The following PTPRN2 variants were observed in gnomAD, a reference collection of about 807,000 sequenced individuals.
PTPRN2 encodes protein tyrosine phosphatase receptor type N2, also known as receptor-type tyrosine-protein phosphatase N2.
PTPRN2 carries 74 observed loss-of-function variants against 118.8 expected under a neutral mutation model. The ratio of observed to expected loss-of-function variants is 0.62; its 90% CI spans 0.52 to 0.76. The LOEUF (loss-of-function observed/expected upper bound fraction) is 0.76, where lower values mean the gene tolerates loss of function less well. PTPRN2 is among the 30% of genes least tolerant of loss of function. The probability of loss-of-function intolerance (pLI) is 0.00; values close to 1 mark genes in which losing one functional copy is unlikely to be tolerated. For missense variants in PTPRN2, 1,481 were observed against 1,394.4 expected (o/e 1.06, Z -0.99); for synonymous variants, 641 against 608.0 (o/e 1.05, Z -0.80).
At chr7:158,173,691 T>C (rs1301738745) in intron 5 of PTPRN2, among the ~76,000 whole-genome samples, 1 of 152,212 alleles carries the variant, frequency 6.6e-6, no homozygotes, top group Non-Finnish European at 1.5e-5. Context: ...ATTTCATCTC[T>C]TATCTTCAAC....
rs563414107 is a variant in PTPRN2 at position 158,129,374 on chromosome 7, AAAC to A, written c.1556+4300_1556+4302del. ...ACACACCACACAGCACACCACACACAAACAACACACACCACACACTACACACAA... is the reference window on the plus strand; with the variant it reads ...ACACACCACACAGCACACCACACACAAACACACACCACACACTACACACAA... On this transcript the variant is annotated intron_variant, in intron 9 of 22. Transcript: ENST00000389418. Among the ~76,000 whole-genome samples, 893 of 150,244 alleles carry A rather than the reference AAAC, an allele frequency of 5.9e-3. 7 individuals carry two copies. The highest frequency in any genetic ancestry group is 0.021 in the African/African-American group (854 of 40,566).
chr7:157,896,572 T>C (rs1423107355), intron 12 of PTPRN2, among the ~76,000 whole-genome samples: 64 of 136,002 alleles, frequency 4.7e-4, no homozygotes, highest in African/African-American at 1.7e-3. Flanking sequence ...TGCTCACGTG[T>C]GCGTGGGAAG....
chr7:158,451,047 G>A (rs1329900852), intron 2 of PTPRN2, among the ~76,000 whole-genome samples: 1 of 152,216 alleles, frequency 6.6e-6, no homozygotes, highest in Non-Finnish European at 1.5e-5. Context: ...CCGTCTAGTA[G>A]GGGAGCTGCT....
intron 11 of PTPRN2, among the ~76,000 whole-genome samples, chr7:157,997,050 G>A (rs1045876313): frequency 3.9e-5 from 6 of 152,218 alleles, no homozygotes; most frequent in Admixed American, 2.6e-4. Context: ...CAATGAGGCC[G>A]GCACGGGGGC....
At chr7:158,322,158 C>T (rs1432673837) in intron 2 of PTPRN2, among the ~76,000 whole-genome samples, 1 of 152,128 alleles carries the variant, frequency 6.6e-6, no homozygotes, top group Admixed American at 6.5e-5. Context: ...TGCCTCCGCC[C>T]CACACCCTCG....
At chr7:158,311,891 G>T (rs967063451) in intron 3 of PTPRN2, among the ~76,000 whole-genome samples, 2 of 135,116 alleles carry the variant, frequency 1.5e-5, no homozygotes, top group African/African-American at 5.9e-5. Flanking sequence ...ACCTGCACGT[G>T]TAGACACCCA....
At chr7:158,538,695 C>T (rs933265406) in intron 1 of PTPRN2, among the ~76,000 whole-genome samples, 14 of 152,168 alleles carry the variant, frequency 9.2e-5, no homozygotes, top group African/African-American at 9.7e-5. Context: ...CACTGCACTA[C>T]GGACACCCCA....
intron 3 of PTPRN2, among the ~76,000 whole-genome samples, chr7:158,284,393 G>A (rs1799636151): frequency 1.3e-5 from 2 of 152,182 alleles, no homozygotes; most frequent in African/African-American, 4.8e-5. Flanking sequence ...GTACATGAAT[G>A]CACTTGGCCC....
At chr7:158,134,922 A>T (rs913830954) in intron 8 of PTPRN2, among the ~76,000 whole-genome samples, 1 of 152,212 alleles carries the variant, frequency 6.6e-6, no homozygotes, top group Admixed American at 6.5e-5. Flanking sequence ...AGTCGTGATT[A>T]TCAGATCCAG....
chr7:158,542,884 A>G (rs1826070293), intron 1 of PTPRN2, among the ~76,000 whole-genome samples: 1 of 152,188 alleles, frequency 6.6e-6, no homozygotes, highest in Admixed American at 6.5e-5. Context: ...ACTGGACATC[A>G]AAATGCCTGG....
intron 13 of PTPRN2, among the ~76,000 whole-genome samples, chr7:157,661,407 A>ACG (rs1452620828): frequency 1.3e-5 from 2 of 152,242 alleles, no homozygotes; most frequent in Non-Finnish European, 2.9e-5. Context: ...CAGCAAGGCA[A>ACG]CGCGCGGCCG....
intron 5 of PTPRN2, among the ~76,000 whole-genome samples, chr7:158,176,350 T>C (rs1366808237): frequency 6.6e-6 from 1 of 152,144 alleles, no homozygotes; most frequent in Non-Finnish European, 1.5e-5. Context: ...CTTAATTTTC[T>C]CTAACCCTTT....
intron 6 of PTPRN2, among the ~76,000 whole-genome samples, chr7:158,143,584 A>T (rs1819592501): frequency 6.6e-6 from 1 of 152,182 alleles, no homozygotes; most frequent in East Asian, 1.9e-4. Context: ...GTGGTTGCTA[A>T]GGAAAGGTCC....
At chr7:158,277,652 G>A (rs1236775697) in intron 3 of PTPRN2, among the ~76,000 whole-genome samples, 1 of 152,218 alleles carries the variant, frequency 6.6e-6, no homozygotes, top group Non-Finnish European at 1.5e-5. Context: ...CAGGGGCTGG[G>A]ACATATAGCT....
At chr7:158,058,345 G>C (rs34419614) in intron 11 of PTPRN2, among the ~76,000 whole-genome samples, 55 of 33,836 alleles carry the variant, frequency 1.6e-3, no homozygotes, top group Non-Finnish European at 1.6e-3. Context: ...CTACAGCCAC[G>C]CTCCATCTGC....
chr7:157,844,888 C>T (rs1406018066), intron 12 of PTPRN2, among the ~76,000 whole-genome samples: 1 of 152,210 alleles, frequency 6.6e-6, no homozygotes, highest in Non-Finnish European at 1.5e-5. Flanking sequence ...TGTCCGTGCA[C>T]TGTGACGGCC....
chr7:157,687,553 T>G (rs2150823488), intron 12 of PTPRN2, among the ~76,000 whole-genome samples: 1 of 152,332 alleles, frequency 6.6e-6, no homozygotes, highest in South Asian at 2.1e-4. Context: ...AGTCCCAGCC[T>G]CATCCTATCT....
At chr7:158,039,325 T>C (rs749861052) in intron 11 of PTPRN2, among the ~76,000 whole-genome samples, 4 of 152,176 alleles carry the variant, frequency 2.6e-5, no homozygotes, top group Non-Finnish European at 5.9e-5. Context: ...CTTTCACTTA[T>C]GGGAGGAAAA....
At chr7:157,937,733 C>T (rs1429386064) in intron 11 of PTPRN2, among the ~76,000 whole-genome samples, 2 of 152,156 alleles carry the variant, frequency 1.3e-5, no homozygotes, top group African/African-American at 4.8e-5. Context: ...GCCTGTTGGC[C>T]TAAAGAGCTA....
Sources: allele counts gnomAD v4.1 joint callset (sites outside exome capture counted in the v4.1 genomes callset), GRCh38; gene constraint gnomAD v4.1.1; transcripts MANE v1.5; gene names NCBI Gene and HGNC (gene_info 2026-07-23, HGNC 2026-07-21).